Variants in MACROD2 observed in about 807,000 individuals in gnomAD.
The protein encoded by MACROD2 is mono-ADP ribosylhydrolase 2.
A neutral mutation model predicts 70.4 loss-of-function variants in MACROD2; 36 were observed. The ratio of observed to expected loss-of-function variants is 0.51; its 90% confidence interval spans 0.39 to 0.68. MACROD2 has a LOEUF of 0.68. Among genes scored for constraint, MACROD2 ranks in the 30% least tolerant of loss-of-function variants. MACROD2 has a pLI of 0.00. For synonymous variants in MACROD2, 172 were observed against 178.8 expected (o/e 0.96, Z 0.30); for missense variants, 496 against 538.4 (o/e 0.92, Z 0.78).
rs558862250 is a variant in MACROD2 at position 14,024,974 on chromosome 20, G to T, written c.163+22570G>T. Among the ~76,000 whole-genome samples, 35 of 152,276 alleles carry T rather than the reference G, an allele frequency of 2.3e-4. No individual in the cohort carries two copies. The South Asian group carries it at 7.2e-3, about 32-fold the overall frequency. On this transcript the variant is annotated intron_variant, in intron 2 of 17. Coordinates refer to ENST00000684519, the MANE Select transcript of MACROD2 (RefSeq NM_001351661.2). ...CCAGCTCCTCTTTGTGACTCTGGTA[G>T]AATTCAATTGTTAATTGTCTGGTCC...
intron 8 of MACROD2, among the ~76,000 whole-genome samples, chr20:15,647,288 A>C (rs755206605): frequency 1.6e-4 from 25 of 152,234 alleles, no homozygotes; most frequent in Non-Finnish European, 2.9e-5. Flanking sequence ...GACTGGGAAG[A>C]AGAAATGACA....
chr20:14,849,524 T>C (rs2073176481), intron 5 of MACROD2, among the ~76,000 whole-genome samples: 1 of 152,140 alleles, frequency 6.6e-6, no homozygotes, highest in Non-Finnish European at 1.5e-5. Flanking sequence ...CTCATGCCTG[T>C]AATCCTAGCA....
chr20:15,841,300 G>T (rs1324966600), intron 8 of MACROD2, among the ~76,000 whole-genome samples: 2 of 152,138 alleles, frequency 1.3e-5, no homozygotes, highest in East Asian at 3.9e-4. Flanking sequence ...TGTTGGGGTG[G>T]TCCAGGATGG....
At chr20:14,170,039 G>A (rs1243308117) in intron 3 of MACROD2, among the ~76,000 whole-genome samples, 2 of 152,000 alleles carry the variant, frequency 1.3e-5, no homozygotes. Flanking sequence ...GATTACAGGC[G>A]CATGCCACCA....
chr20:15,281,633 G>A (rs183377787), intron 6 of MACROD2, among the ~76,000 whole-genome samples: 1 of 152,338 alleles, frequency 6.6e-6, no homozygotes, highest in African/African-American at 2.4e-5. Context: ...GGGCTCCCAA[G>A]GCCTTGGGCA....
chr20:14,227,541 C>T (rs1047936039), intron 3 of MACROD2, among the ~76,000 whole-genome samples: 2 of 152,132 alleles, frequency 1.3e-5, no homozygotes, highest in South Asian at 2.1e-4. Flanking sequence ...CCTGAGCCAG[C>T]GAGACCATGC....
chr20:15,817,297 G>A (rs2063887233), intron 8 of MACROD2, among the ~76,000 whole-genome samples: 1 of 152,176 alleles, frequency 6.6e-6, no homozygotes, highest in African/African-American at 2.4e-5. Flanking sequence ...GAAAGAGATA[G>A]GCTGTGTTTA....
intron 4 of MACROD2, among the ~76,000 whole-genome samples, chr20:14,534,327 C>T (rs1453415999): frequency 1.3e-5 from 2 of 152,130 alleles, no homozygotes; most frequent in Non-Finnish European, 2.9e-5. Flanking sequence ...GATTTTTATT[C>T]TTTGACTCAA....
At chr20:15,101,421 A>G (rs1276117659) in intron 5 of MACROD2, among the ~76,000 whole-genome samples, 1 of 151,574 alleles carries the variant, frequency 6.6e-6, no homozygotes, top group Non-Finnish European at 1.5e-5. Context: ...ATGCCATTGT[A>G]GAATGCCAGA....
chr20:14,870,292 T>C (rs1210120921), intron 5 of MACROD2, among the ~76,000 whole-genome samples: 2 of 152,210 alleles, frequency 1.3e-5, no homozygotes, highest in African/African-American at 2.4e-5. Flanking sequence ...CATTTCTTTA[T>C]GGCTGCATAG....
intron 8 of MACROD2, among the ~76,000 whole-genome samples, chr20:15,774,373 C>A (rs1272923331): frequency 1.3e-5 from 2 of 152,150 alleles, no homozygotes; most frequent in African/African-American, 4.8e-5. Flanking sequence ...CTCAGTGACT[C>A]TTATTTAGTT....
chr20:15,298,588 T>C (rs1451786993), intron 6 of MACROD2, among the ~76,000 whole-genome samples: 3 of 152,266 alleles, frequency 2.0e-5, no homozygotes, highest in Non-Finnish European at 2.9e-5. Context: ...TATGTAGTTA[T>C]GTATGAATGA....
At chr20:15,461,895 C>T (rs1166012127) in intron 7 of MACROD2, among the ~76,000 whole-genome samples, 1 of 152,130 alleles carries the variant, frequency 6.6e-6, no homozygotes, top group Admixed American at 6.6e-5. Context: ...TATGTAAAAA[C>T]AACCAAGCTG....
chr20:14,895,739 A>G (rs1048901823), intron 5 of MACROD2, among the ~76,000 whole-genome samples: 2 of 152,106 alleles, frequency 1.3e-5, no homozygotes, highest in African/African-American at 2.4e-5. Flanking sequence ...AGATAAAAAT[A>G]TTATCATCCA....
chr20:14,594,807 G>A (rs1200447858), intron 4 of MACROD2, among the ~76,000 whole-genome samples: 4 of 152,256 alleles, frequency 2.6e-5, no homozygotes, highest in African/African-American at 4.8e-5. Context: ...CAGGAGAATC[G>A]CTTGAACCCG....
chr20:14,515,983 TATA>T (rs1443749381), intron 4 of MACROD2, among the ~76,000 whole-genome samples: 1 of 147,636 alleles, frequency 6.8e-6, no homozygotes, highest in Non-Finnish European at 1.5e-5. Context: ...TTATATAAAA[TATA>T]ATTTATTTTA....
chr20:15,672,348 T>TACACACACACACAC (rs3071295), intron 8 of MACROD2, among the ~76,000 whole-genome samples: 258 of 141,952 alleles, frequency 1.8e-3, no homozygotes, highest in South Asian at 6.0e-3. Context: ...TGTTCTATTT[T>TACACACACACACAC]ACACACACAC....
In MACROD2 at chr20:14,923,368, G is replaced by A. The variant is rs75452373; in HGVS notation, c.418+238409G>A. On this transcript the variant is annotated intron_variant, in intron 5 of 17. Transcript: ENST00000684519. ...GAATTTCCAACTTGTACATTCTGCT[G>A]CCTACTCAGTATCTCCACTTGGATT... Among the ~76,000 whole-genome samples the A allele has an allele frequency of 8.2e-3, 1,241 of 152,246 alleles. 23 individuals are homozygous for A. The highest frequency in any genetic ancestry group is 0.028 in the African/African-American group (1,174 of 41,540).
intron 8 of MACROD2, among the ~76,000 whole-genome samples, chr20:15,714,782 T>C (rs960735387): frequency 6.6e-5 from 10 of 152,132 alleles, no homozygotes; most frequent in Non-Finnish European, 1.2e-4. Flanking sequence ...ATGTGCCATA[T>C]ACTTTTTTAT....
Sources: allele counts gnomAD v4.1 joint callset (sites outside exome capture counted in the v4.1 genomes callset), GRCh38; gene constraint gnomAD v4.1.1; transcripts MANE v1.5; gene names NCBI Gene and HGNC (gene_info 2026-07-23, HGNC 2026-07-21).